Variants in HYAL4 observed in about 807,000 individuals in gnomAD.
The protein encoded by HYAL4 is hyaluronidase 4, also known as hyaluronidase-4.
HYAL4 carries 37 observed loss-of-function variants against 35.2 expected under a neutral mutation model. The ratio of observed to expected loss-of-function variants is 1.05; its 90% confidence interval spans 0.81 to 1.38. The LOEUF is 1.38. HYAL4 is among the 40% of genes most tolerant of loss of function. HYAL4 has a pLI of 0.00. For synonymous variants in HYAL4, 198 were observed against 203.2 expected, an observed-to-expected ratio of 0.97 and a Z score of 0.22; for missense variants, 572 against 572.4, an observed-to-expected ratio of 1.00 and a Z score of 0.01.
At chr7:123,867,635 C>T (rs950661889) in intron 2 of HYAL4, among the ~76,000 whole-genome samples, 7 of 152,310 alleles carry the variant, frequency 4.6e-5, no homozygotes, top group African/African-American at 1.4e-4. Context: ...ACTCAAATCA[C>T]TTTCCTTTCC....
rs758539563 is a variant in HYAL4, at chr7:123,876,888, C to T, written c.1179C>T (p.Asn393=). ...GCAGGTGCATAAGGAAGATGTGGAA[C>T]GCGCCCAGTTACCTTCACTTGAACC... ...NNGRCIRKMW[N]APSYLHLNPA... Residue 393 remains asparagine (N), a synonymous_variant, in exon 5 of 5, where the codon AAC becomes AAT. Coordinates refer to ENST00000223026, the MANE Select transcript of HYAL4 (RefSeq NM_012269.3). The T allele has an allele frequency of 8.7e-6, 14 of 1,614,026 alleles. No individual in the cohort carries two copies. The highest frequency in any genetic ancestry group is 1.3e-5 in the African/African-American group (1 of 74,902).
At chr7:123,789,568 A>G in the HYAL4 span, among the ~76,000 whole-genome samples, 2 of 152,180 alleles carry the variant, frequency 1.3e-5, no homozygotes, top group African/African-American at 2.4e-5. Context: ...TAATTATGAA[A>G]CATATGCTCT....
chr7:123,783,601 T>C, the HYAL4 span, among the ~76,000 whole-genome samples: 4 of 152,102 alleles, frequency 2.6e-5, no homozygotes, highest in Non-Finnish European at 4.4e-5. Flanking sequence ...AGTATAAGTA[T>C]TTTCAGGCCA....
intron 1 of HYAL4, among the ~76,000 whole-genome samples, chr7:123,830,552 ACT>A (rs1342582059): frequency 6.6e-6 from 1 of 151,900 alleles, no homozygotes; most frequent in Non-Finnish European, 1.5e-5. Flanking sequence ...ACAACACAGC[ACT>A]CTTTATCTGG....
chr7:123,814,004 A>T, the HYAL4 span: 1 of 152,354 alleles, frequency 6.6e-6, no homozygotes, highest in South Asian at 2.1e-4. Context: ...GATATTAATA[A>T]GCCTCAAAGA....
At chr7:123,825,286 A>G (rs1315445630), upstream of HYAL4, among the ~76,000 whole-genome samples, 1 of 152,146 alleles carries the variant, frequency 6.6e-6, no homozygotes, top group African/African-American at 2.4e-5. Context: ...GATTAAATCC[A>G]AACTGTCACA....
chr7:123,810,828 T>A, the HYAL4 span, among the ~76,000 whole-genome samples: 1 of 152,218 alleles, frequency 6.6e-6, no homozygotes, highest in Non-Finnish European at 1.5e-5. Context: ...TATTCATCTG[T>A]CCCTCTCCCC....
At chr7:123,789,996 TTAGG>T in the HYAL4 span, among the ~76,000 whole-genome samples, 1 of 152,062 alleles carries the variant, frequency 6.6e-6, no homozygotes, top group South Asian at 2.1e-4. Context: ...TGAAGGGCTG[TTAGG>T]TAGGGAAAAT....
At chr7:123,861,445 T>C (rs1806573954) in intron 2 of HYAL4, among the ~76,000 whole-genome samples, 1 of 152,196 alleles carries the variant, frequency 6.6e-6, no homozygotes, top group South Asian at 2.1e-4. Context: ...CTATTAAAAA[T>C]GTGATCCTAA....
At chr7:123,817,216 T>C in the HYAL4 span, among the ~76,000 whole-genome samples, 1 of 152,192 alleles carries the variant, frequency 6.6e-6, no homozygotes, top group African/African-American at 2.4e-5. Flanking sequence ...TCTTGGCCTA[T>C]ATACATTAGC....
rs192945484 is a variant in HYAL4 at position 123,861,135 on chromosome 7, A to C, written c.-51-7088A>C. On this transcript the variant is annotated intron_variant, in intron 2 of 4. Transcript: ENST00000223026. ...ACTGGGATCCAACTCTCTCCTGCTT[A>C]AATATTGTTCTGGTCCTCAGGCCTG... Among the ~76,000 whole-genome samples the C allele has an allele frequency of 3.5e-4, 54 of 152,190 alleles. 1 individual carries two copies. In the East Asian group the frequency reaches 0.01, roughly 29 times the overall value.
chr7:123,777,263 G>A, the HYAL4 span, among the ~76,000 whole-genome samples: 2 of 151,640 alleles, frequency 1.3e-5, no homozygotes, highest in East Asian at 1.9e-4. Context: ...TGCTATAAGT[G>A]TAAAATACAT....
chr7:123,824,898 A>G (rs542801627), upstream of HYAL4, among the ~76,000 whole-genome samples: 4 of 152,282 alleles, frequency 2.6e-5, no homozygotes, highest in South Asian at 8.3e-4. Flanking sequence ...AAATATTTGC[A>G]GAGTGAATAA....
At chr7:123,850,762 T>C (rs1350385565) in intron 2 of HYAL4, among the ~76,000 whole-genome samples, 1 of 152,204 alleles carries the variant, frequency 6.6e-6, no homozygotes, top group Non-Finnish European at 1.5e-5. Context: ...TATTGGGTGG[T>C]TGAAGAACTG....
chr7:123,803,665 C>G, the HYAL4 span, among the ~76,000 whole-genome samples: 2 of 152,164 alleles, frequency 1.3e-5, no homozygotes. Context: ...TTGCATCAAC[C>G]ATCACTTCAA....
intron 1 of HYAL4, among the ~76,000 whole-genome samples, chr7:123,837,202 T>G (rs1384633902): frequency 6.6e-6 from 1 of 152,182 alleles, no homozygotes; most frequent in African/African-American, 2.4e-5. Flanking sequence ...GACTTAAAAT[T>G]GTTTTGTTTA....
chr7:123,795,613 G>T, the HYAL4 span, among the ~76,000 whole-genome samples: 40 of 152,152 alleles, frequency 2.6e-4, no homozygotes, highest in African/African-American at 9.4e-4. Flanking sequence ...TTGCCACCCT[G>T]TGAAGAAGGA....
intron 2 of HYAL4, among the ~76,000 whole-genome samples, chr7:123,866,106 G>C (rs1806681316): frequency 6.6e-6 from 1 of 152,154 alleles, no homozygotes; most frequent in South Asian, 2.1e-4. Context: ...TACAATTCAA[G>C]ATGAGATTTG....
chr7:123,773,998 GTTTAA>G, the HYAL4 span, among the ~76,000 whole-genome samples: 1 of 152,140 alleles, frequency 6.6e-6, no homozygotes, highest in Non-Finnish European at 1.5e-5. Flanking sequence ...GGTCTCGCAT[GTTTAA>G]TTTAATTGTA....
Sources: allele counts gnomAD v4.1 joint callset (sites outside exome capture counted in the v4.1 genomes callset), GRCh38; gene constraint gnomAD v4.1.1; transcripts MANE v1.5; gene names NCBI Gene and HGNC (gene_info 2026-07-23, HGNC 2026-07-21).